CDK5RAP2: variants seen among roughly 807,000 people sequenced by gnomAD.
CDK5RAP2 encodes CDK5 regulatory subunit-associated protein 2.
A neutral mutation model predicts 232.9 loss-of-function variants in CDK5RAP2; 147 were observed. That is an observed-to-expected ratio of 0.63 (90% CI 0.55 to 0.72). The LOEUF is 0.72. Ranked by LOEUF, CDK5RAP2 falls within the 30% of genes least tolerant of loss-of-function variation. The pLI is 0.00. For missense variants in CDK5RAP2, 2,195 were observed against 2,231.5 expected, an observed-to-expected ratio of 0.98 and a Z score of 0.33; for synonymous variants, 833 against 833.7, an observed-to-expected ratio of 1.00 and a Z score of 0.01.
At chr9:120,526,517 C>T (rs974130727) in intron 10 of CDK5RAP2, among the ~76,000 whole-genome samples, 1 of 152,068 alleles carries the variant, frequency 6.6e-6, no homozygotes, top group Non-Finnish European at 1.5e-5. Context: ...TAAGCCCCTC[C>T]CCCTCCATTC....
chr9:120,488,005 G>T (rs2038703117), intron 13 of CDK5RAP2, among the ~76,000 whole-genome samples: 1 of 152,190 alleles, frequency 6.6e-6, no homozygotes, highest in Non-Finnish European at 1.5e-5. Context: ...GCTCCTTCAT[G>T]ATCACACATG....
intron 31 of CDK5RAP2, chr9:120,407,769 T>A (rs907964614): frequency 1.2e-5 from 2 of 170,216 alleles, no homozygotes; most frequent in East Asian, 3.3e-4. Context: ...ACATTAGACG[T>A]TATAGTTGAA....
chr9:120,447,794 C>T (rs1217814463), intron 22 of CDK5RAP2, 101 bp downstream of exon 22: 4 of 895,350 alleles, frequency 4.5e-6, no homozygotes, highest in Non-Finnish European at 7.6e-6. Flanking sequence ...GAAATTTATA[C>T]TCAAACTTAT....
intron 25 of CDK5RAP2, among the ~76,000 whole-genome samples, chr9:120,435,798 T>G (rs2035548483): frequency 6.6e-6 from 1 of 152,152 alleles, no homozygotes; most frequent in African/African-American, 2.4e-5. Flanking sequence ...AATAAGAATC[T>G]TTAAGCCCAC....
At chr9:120,493,748 A>C (rs1372192630) in intron 12 of CDK5RAP2, among the ~76,000 whole-genome samples, 1 of 152,178 alleles carries the variant, frequency 6.6e-6, no homozygotes, top group Non-Finnish European at 1.5e-5. Flanking sequence ...CAAACAACCC[A>C]ACATATTCAA....
At chr9:120,428,206 C>G in intron 25 of CDK5RAP2, among the ~76,000 whole-genome samples, 1 of 151,978 alleles carries the variant, frequency 6.6e-6, no homozygotes, top group Admixed American at 6.6e-5. Context: ...ACTAGGAAAG[C>G]AAGAGCAAAC....
At chr9:120,444,154 C>T (rs1390174139) in intron 22 of CDK5RAP2, among the ~76,000 whole-genome samples, 1 of 152,226 alleles carries the variant, frequency 6.6e-6, no homozygotes, top group East Asian at 1.9e-4. Context: ...TGGCTCATGC[C>T]TATAATCCCA....
At chr9:120,450,882 T>C (rs111579431) in intron 21 of CDK5RAP2, among the ~76,000 whole-genome samples, 1 of 152,218 alleles carries the variant, frequency 6.6e-6, no homozygotes, top group African/African-American at 2.4e-5. Flanking sequence ...AAAAGTGAGA[T>C]GCTTTCTGCT....
At chr9:120,579,427 T>C (rs1048713486) in intron 1 of CDK5RAP2, among the ~76,000 whole-genome samples, 1 of 152,198 alleles carries the variant, frequency 6.6e-6, no homozygotes, top group Non-Finnish European at 1.5e-5. Context: ...TGGATTTGAA[T>C]CCAGTTTTGT....
At chr9:120,495,742 G>A (rs1294846315) in intron 12 of CDK5RAP2, among the ~76,000 whole-genome samples, 5 of 71,598 alleles carry the variant, frequency 7.0e-5, no homozygotes, top group Non-Finnish European at 1.1e-4. Flanking sequence ...CGTGCCATCC[G>A]GGAGGGAGGT....
rs1176763733 is a variant in CDK5RAP2, at chr9:120,536,419, C to A, written c.615G>T (p.Met205Ile). ...LESKLSEMKK[M>I]HEGDLAMALV... ...GAGCCATCGCCAAGTCCCCCTCGTG[C>A]ATCTTCTTCATCTCTGAAAGCTTGC... Residue 205 changes from methionine (M) to isoleucine (I), a missense_variant, in exon 7 of 38, where the codon ATG becomes ATT. Coordinates refer to ENST00000349780, the MANE Select transcript of CDK5RAP2 (RefSeq NM_018249.6). The A allele has an allele frequency of 6.2e-7, 1 of 1,614,206 alleles. No individual in the cohort carries two copies. Among genetic ancestry groups the A allele is most frequent in the East Asian group, 2.2e-5 (1 of 44,886 alleles).
intron 25 of CDK5RAP2, among the ~76,000 whole-genome samples, chr9:120,433,019 C>A (rs1399159749): frequency 6.6e-6 from 1 of 152,104 alleles, no homozygotes; most frequent in Non-Finnish European, 1.5e-5. Context: ...TCCTATATAC[C>A]CTGGTCCTCA....
At chr9:120,530,835 C>T (rs1188570914) in intron 7 of CDK5RAP2, among the ~76,000 whole-genome samples, 1 of 124,290 alleles carries the variant, frequency 8.0e-6, no homozygotes, top group Non-Finnish European at 1.6e-5. Flanking sequence ...GGAAGGGGAA[C>T]ATCACACACC....
chr9:120,448,151 G>A (rs1564231950), intron 21 of CDK5RAP2, 25 bp from the exon 22 acceptor site: 1 of 1,542,368 alleles, frequency 6.5e-7, no homozygotes, highest in Non-Finnish European at 9.0e-7. Flanking sequence ...ATGCAACAAT[G>A]AATACACTTT....
chr9:120,521,644 CTTTTTT>C (rs71266575), intron 11 of CDK5RAP2, among the ~76,000 whole-genome samples: 1 of 125,764 alleles, frequency 8.0e-6, no homozygotes, highest in Non-Finnish European at 1.7e-5. Flanking sequence ...ACCTCTTTTT[CTTTTTT>C]TTTTTTTTTT....
chr9:120,496,164 A>G (rs867985539), intron 12 of CDK5RAP2, among the ~76,000 whole-genome samples: 2 of 117,960 alleles, frequency 1.7e-5, no homozygotes, highest in African/African-American at 6.6e-5. Flanking sequence ...TGGGGGGGTC[A>G]GCCCCCCGCC....
At chr9:120,568,430 A>G (rs1281854665) in intron 2 of CDK5RAP2, 42 bp from the exon 3 acceptor site, 20 of 1,383,510 alleles carry the variant, frequency 1.4e-5, no homozygotes, top group Non-Finnish European at 2.0e-5. Flanking sequence ...CAGCATGCAA[A>G]CTGCCCAGTG....
At chr9:120,513,512 A>T (rs1411658857) in intron 12 of CDK5RAP2, among the ~76,000 whole-genome samples, 1 of 152,010 alleles carries the variant, frequency 6.6e-6, no homozygotes, top group Non-Finnish European at 1.5e-5. Context: ...CAAAATCACC[A>T]TACCCTCTCC....
chr9:120,440,122 C>A, intron 23 of CDK5RAP2, 150 bp from the exon 24 acceptor site: 1 of 692,822 alleles, frequency 1.4e-6, no homozygotes, highest in South Asian at 1.7e-5. Context: ...ACACTTCCCT[C>A]AAAAAGCCTC....
Sources: allele counts gnomAD v4.1 joint callset (sites outside exome capture counted in the v4.1 genomes callset), GRCh38; gene constraint gnomAD v4.1.1; transcripts MANE v1.5; gene names NCBI Gene and HGNC (gene_info 2026-07-23, HGNC 2026-07-21).